Variants in SPECC1 observed in about 807,000 individuals in gnomAD.
The protein encoded by SPECC1 is sperm antigen with calponin homology and coiled-coil domains 1.
In SPECC1, 62 loss-of-function variants were observed where a neutral mutation model predicts 104.1. The observed-to-expected ratio is 0.60, with a 90% CI of 0.49 to 0.74. The LOEUF (loss-of-function observed/expected upper bound fraction) is 0.74, where lower values mean the gene tolerates loss of function less well. Among genes scored for constraint, SPECC1 ranks in the 30% least tolerant of loss-of-function variants. SPECC1 has a pLI of 0.00. For missense variants in SPECC1, 1,306 were observed against 1,310.5 expected, an observed-to-expected ratio of 1.00 and a Z score of 0.05; for synonymous variants, 513 against 501.6, an observed-to-expected ratio of 1.02 and a Z score of -0.30.
intron 3 of SPECC1, among the ~76,000 whole-genome samples, chr17:20,196,755 A>G (rs1221495289): frequency 1.3e-5 from 2 of 152,242 alleles, no homozygotes; most frequent in Non-Finnish European, 2.9e-5. Context: ...GGCCTTATCT[A>G]GAATCTAATG....
At chr17:20,209,447 T>C (rs2036993331) in intron 4 of SPECC1, among the ~76,000 whole-genome samples, 1 of 152,218 alleles carries the variant, frequency 6.6e-6, no homozygotes, top group African/African-American at 2.4e-5. Flanking sequence ...CAAAAGAACC[T>C]ATAAAAAGCC....
rs2038312010 is a variant in SPECC1, at chr17:20,227,692, A to G, written c.2071+72A>G. 6.3e-6 allele frequency: 9 copies of G among 1,427,396 alleles called. No homozygotes were observed. In the South Asian group the frequency reaches 1.1e-4, roughly 18 times the overall value. The allele number at this position is 1,427,396 out of a possible 1,614,324, so 88.4% of individuals were successfully genotyped here. A position where few individuals can be genotyped will look rare whatever the true frequency, so the allele number is the denominator to read the frequency against. On this transcript the variant is annotated intron_variant, in intron 5 of 14. Transcript: ENST00000395527. ...CACTTTGGGAGGCTGAGGCAGGAGG[A>G]TCACCTGAGGTCAGAAGTTCGAGAC...
At chr17:20,178,055 C>T (rs1246525165) in intron 3 of SPECC1, among the ~76,000 whole-genome samples, 1 of 151,974 alleles carries the variant, frequency 6.6e-6, no homozygotes, top group Admixed American at 6.6e-5. Context: ...CTGTCTTGCC[C>T]TGTCACCCAG....
chr17:20,022,778 G>A (rs973648672), intron 1 of SPECC1, among the ~76,000 whole-genome samples: 1 of 152,194 alleles, frequency 6.6e-6, no homozygotes, highest in African/African-American at 2.4e-5. Flanking sequence ...ACTGCTGTAT[G>A]TGAGGCAATA....
chr17:20,057,520 GTC>G (rs972135115), intron 1 of SPECC1, among the ~76,000 whole-genome samples: 6 of 152,236 alleles, frequency 3.9e-5, no homozygotes, highest in African/African-American at 1.4e-4. Flanking sequence ...TTGAGACAGG[GTC>G]TCTCTCTGTC....
chr17:20,206,113 A>G (rs1392985380), intron 4 of SPECC1, among the ~76,000 whole-genome samples: 1 of 152,222 alleles, frequency 6.6e-6, no homozygotes, highest in Non-Finnish European at 1.5e-5. Context: ...ATTTCTGATT[A>G]TGGGCGGTTC....
chr17:20,299,665 C>A (rs1313506681), intron 13 of SPECC1, among the ~76,000 whole-genome samples: 1 of 151,450 alleles, frequency 6.6e-6, no homozygotes, highest in East Asian at 1.9e-4. Context: ...TTAACACATG[C>A]AATTAACCAT....
intron 6 of SPECC1, 102 bp downstream of exon 6, chr17:20,231,933 C>T (rs772229315): frequency 2.9e-5 from 36 of 1,242,690 alleles, no homozygotes; most frequent in Admixed American, 5.4e-5. Context: ...AACGTTTCCA[C>T]GGCATGGTGG....
At chr17:20,086,562 G>T (rs556576793) in intron 1 of SPECC1, among the ~76,000 whole-genome samples, 1 of 152,280 alleles carries the variant, frequency 6.6e-6, no homozygotes, top group East Asian at 1.9e-4. Flanking sequence ...GTGTCACCAG[G>T]GGCATGTGGC....
At chr17:20,110,040 G>A (rs2048406826) in intron 2 of SPECC1, among the ~76,000 whole-genome samples, 1 of 151,986 alleles carries the variant, frequency 6.6e-6, no homozygotes. Context: ...GAGTCTCACT[G>A]TTGCCCAGGC....
chr17:20,297,154 G>A lies in SPECC1; in HGVS notation c.3057+77G>A, dbSNP rs961057791. On this transcript the variant is annotated intron_variant, in intron 13 of 14. Transcript: ENST00000395527. ...TAATTGATAAACCCCACTGTGGGAG[G>A]GGGCTTACAGGCCTGAAGTAGAAGT... The A allele has an allele frequency of 2.3e-5, 29 of 1,253,034 alleles. No individual in the cohort carries two copies. In the East Asian group the frequency reaches 3.4e-4, roughly 15 times the overall value. The allele number at this position is 1,253,034 out of a possible 1,614,324, so 77.6% of individuals were successfully genotyped here.
Position 20,247,224 on chromosome 17 carries a change from G to A in SPECC1, c.2503G>A (p.Ala835Thr). The A allele has an allele frequency of 2.5e-6, 4 of 1,611,384 alleles. No homozygotes were observed. Among genetic ancestry groups the A allele is most frequent in the Non-Finnish European group, 3.4e-6 (4 of 1,178,428 alleles). Residue 835 changes from alanine (A) to threonine (T), a missense_variant, in exon 9 of 15, where the codon GCT becomes ACT. By Grantham distance (58) the Ala-to-Thr change is moderately conservative (BLOSUM62 0). Around this residue, in one of 2 missense-constraint regions of SPECC1, gnomAD observed 1,177 missense variants for 1,139.9 expected, o/e 1.03. Coordinates refer to ENST00000395527, the MANE Select transcript of SPECC1 (RefSeq NM_001243439.2). ...CCCATGTTTTTTCTTGGCAGGTGGAGCTGGACAGAATATTTCTGTCCATAA... is the reference window on the plus strand; with the variant it reads ...CCCATGTTTTTTCTTGGCAGGTGGAACTGGACAGAATATTTCTGTCCATAA... ...KSFDLGRPGGAGQNISVHKTP... is the reference protein window; with the variant it reads ...KSFDLGRPGGTGQNISVHKTP...
intron 3 of SPECC1, among the ~76,000 whole-genome samples, chr17:20,189,144 A>T (rs1336957882): frequency 6.6e-6 from 1 of 152,176 alleles, no homozygotes; most frequent in Admixed American, 6.5e-5. Flanking sequence ...GTAAGGCTGC[A>T]CGTGAATATG....
intron 7 of SPECC1, chr17:20,239,262 C>G: frequency 3.9e-6 from 4 of 1,012,846 alleles, no homozygotes; most frequent in Non-Finnish European, 4.7e-6. Flanking sequence ...TTTAGGTATA[C>G]TAATAACAAA....
At chr17:20,226,762 C>T (rs1023619391) in intron 4 of SPECC1, among the ~76,000 whole-genome samples, 1 of 152,152 alleles carries the variant, frequency 6.6e-6, no homozygotes, top group Non-Finnish European at 1.5e-5. Flanking sequence ...GTGTGCCTTC[C>T]GCCGACATTC....
intron 13 of SPECC1, among the ~76,000 whole-genome samples, chr17:20,300,459 C>G (rs756367261): frequency 1.1e-4 from 17 of 152,246 alleles, no homozygotes; most frequent in Non-Finnish European, 1.8e-4. Context: ...TAACACTGTG[C>G]TGGGTGAAGC....
At chr17:20,158,926 GTTT>G (rs150116530) in intron 3 of SPECC1, among the ~76,000 whole-genome samples, 1 of 147,796 alleles carries the variant, frequency 6.8e-6, no homozygotes, top group East Asian at 2.0e-4. Context: ...TTTTTGTTTT[GTTT>G]TTTTTTGTAG....
intron 1 of SPECC1, among the ~76,000 whole-genome samples, chr17:20,062,272 A>AT (rs1207866285): frequency 2.7e-5 from 4 of 150,512 alleles, no homozygotes; most frequent in Non-Finnish European, 5.9e-5. Context: ...AAAAAAAAAA[A>AT]TTTTGTTCTC....
At chr17:20,061,333 A>G (rs1175543027) in intron 1 of SPECC1, among the ~76,000 whole-genome samples, 1 of 152,292 alleles carries the variant, frequency 6.6e-6, no homozygotes, top group Admixed American at 6.5e-5. Flanking sequence ...CGGCCTCCCA[A>G]AGTGCTGGGA....
Sources: allele counts gnomAD v4.1 joint callset (sites outside exome capture counted in the v4.1 genomes callset), GRCh38; gene constraint gnomAD v4.1.1; regional missense constraint gnomAD v4.1.1; transcripts MANE v1.5; gene names NCBI Gene and HGNC (gene_info 2026-07-23, HGNC 2026-07-21).